Variants in ADAMTS18 observed in about 807,000 individuals in gnomAD.
ADAMTS18 encodes the protein ADAM metallopeptidase with thrombospondin type 1 motif 18, also known as A disintegrin and metalloproteinase with thrombospondin motifs 18.
In ADAMTS18, 157 loss-of-function variants were observed where a neutral mutation model predicts 165.9. That is an observed-to-expected ratio of 0.95 (90% CI 0.83 to 1.08). The LOEUF (loss-of-function observed/expected upper bound fraction) is 1.08, where lower values mean the gene tolerates loss of function less well. Ranked by LOEUF, ADAMTS18 falls within the 50% of genes least tolerant of loss-of-function variation. The pLI, the probability that ADAMTS18 is intolerant of heterozygous loss-of-function variation, is 0.00. For synonymous variants in ADAMTS18, 782 were observed against 578.2 expected, an observed-to-expected ratio of 1.35 and a Z score of -5.06; for missense variants, 2,040 against 1,534.0, an observed-to-expected ratio of 1.33 and a Z score of -5.51.
intron 21 of ADAMTS18, 40 bp from the exon 22 acceptor site, chr16:77,289,451 C>T (rs1033795687): frequency 8.1e-6 from 13 of 1,609,588 alleles, no homozygotes; most frequent in Admixed American, 1.7e-5. Flanking sequence ...AAACACTCTA[C>T]TGAGGTCAGT....
chr16:77,368,279 C>A (rs191762995), intron 3 of ADAMTS18, among the ~76,000 whole-genome samples: 14 of 152,248 alleles, frequency 9.2e-5, no homozygotes, highest in Admixed American at 5.2e-4. Context: ...CACTGGGCTG[C>A]CAGCCCTGAT....
chr16:77,347,288 G>A (rs974283250), intron 10 of ADAMTS18, among the ~76,000 whole-genome samples: 1 of 152,094 alleles, frequency 6.6e-6, no homozygotes, highest in Non-Finnish European at 1.5e-5. Flanking sequence ...TATGAACACA[G>A]TCCTTTATTT....
Position 77,283,746 on chromosome 16 carries a change from A to G in ADAMTS18, c.*210T>C, listed in dbSNP as rs1174014822. On this transcript the variant is annotated 3_prime_UTR_variant, in exon 23 of 23. Coordinates refer to ENST00000282849, the MANE Select transcript of ADAMTS18 (RefSeq NM_199355.4). Reference sequence around the variant, plus strand: ...AAAGTCAGATTTGTCATCGCTTCCCATTTTCAAGTGCTTCAGAGTACCACG... The same window carrying G: ...AAAGTCAGATTTGTCATCGCTTCCCGTTTTCAAGTGCTTCAGAGTACCACG... 7.1e-6 allele frequency: 4 copies of G among 564,500 alleles called. No homozygotes were observed. The highest frequency in any genetic ancestry group is 9.5e-6 in the Non-Finnish European group (3 of 315,430). The allele number at this position is 564,500 out of a possible 1,614,324, so 35.0% of individuals were successfully genotyped here.
intron 3 of ADAMTS18, among the ~76,000 whole-genome samples, chr16:77,395,687 C>G (rs2144799205): frequency 6.6e-6 from 1 of 152,164 alleles, no homozygotes. Flanking sequence ...GGGCAAAGAT[C>G]ACACCTTTTA....
At position 77,355,942 on chromosome 16, in the gene ADAMTS18, G is replaced by A; in HGVS notation, c.1458C>T (p.Leu486=). The change falls in exon 9 of 23, where the codon CTC becomes CTT. Residue 486 remains leucine, a splice_region_variant and synonymous_variant. Coordinates refer to ENST00000282849, the MANE Select transcript of ADAMTS18 (RefSeq NM_199355.4). The part of the protein sequence containing the change: ...SCSRQYLKKF[L]STPQAGCLVD... Reference sequence around the variant, plus strand: ...CCCCAGGATTTAACCTGTCATACCTGAGGAATTTCTTGAGATACTGGCGGC... The same window carrying A: ...CCCCAGGATTTAACCTGTCATACCTAAGGAATTTCTTGAGATACTGGCGGC... The A allele has an allele frequency of 6.2e-7, 1 of 1,614,016 alleles. No homozygotes were observed.
At chr16:77,397,347 G>C (rs1340664142) in intron 3 of ADAMTS18, among the ~76,000 whole-genome samples, 1 of 152,114 alleles carries the variant, frequency 6.6e-6, no homozygotes, top group Non-Finnish European at 1.5e-5. Context: ...AAGGATGTTA[G>C]ACTTCCCACA....
chr16:77,350,718 G>A (rs1454137516), intron 10 of ADAMTS18, among the ~76,000 whole-genome samples: 4 of 152,162 alleles, frequency 2.6e-5, no homozygotes, highest in African/African-American at 9.7e-5. Flanking sequence ...GGGTCATCTA[G>A]AGCTTTTGTT....
chr16:77,329,077 G>C (rs2056144008), intron 12 of ADAMTS18, among the ~76,000 whole-genome samples: 1 of 151,856 alleles, frequency 6.6e-6, no homozygotes, highest in Non-Finnish European at 1.5e-5. Context: ...TTAGGGAGCT[G>C]GCCTTTTACA....
chr16:77,300,120 A>G lies in ADAMTS18; in HGVS notation c.2674+143T>C, dbSNP rs372349001. 4 of 953,584 alleles carry G rather than the reference A, an allele frequency of 4.2e-6. No individual in the cohort carries two copies. In the African/African-American group the frequency reaches 6.6e-5, roughly 16 times the overall value. The allele number at this position is 953,584 out of a possible 1,614,324, so 59.1% of individuals were successfully genotyped here. A position where few individuals can be genotyped will look rare whatever the true frequency, so the allele number is the denominator to read the frequency against. On this transcript the variant is annotated intron_variant, in intron 17 of 22. Coordinates refer to ENST00000282849, the MANE Select transcript of ADAMTS18 (RefSeq NM_199355.4). The stretch of plus-strand genomic sequence containing the variant: ...AGGAAAACCCTTAACTAATGCCATA[A>G]TATTTGCTTTTATGGTGATGGTTCT...
chr16:77,381,435 G>A (rs1270267646), intron 3 of ADAMTS18, among the ~76,000 whole-genome samples: 1 of 152,152 alleles, frequency 6.6e-6, no homozygotes, highest in African/African-American at 2.4e-5. Flanking sequence ...TGCTTCAAAA[G>A]GACCAGAAAA....
At chr16:77,394,241 T>G (rs2217330) in intron 3 of ADAMTS18, among the ~76,000 whole-genome samples, 202 of 152,336 alleles carry the variant, frequency 1.3e-3, no homozygotes, top group African/African-American at 4.6e-3. Context: ...TGTTTGTTTA[T>G]GGACTATTCA....
intron 13 of ADAMTS18, among the ~76,000 whole-genome samples, chr16:77,324,655 T>C (rs1057487809): frequency 1.3e-5 from 2 of 152,126 alleles, no homozygotes; most frequent in Non-Finnish European, 2.9e-5. Flanking sequence ...GAAAACAATA[T>C]GAAGGAAGAA....
At chr16:77,415,297 A>G (rs569538413) in intron 3 of ADAMTS18, among the ~76,000 whole-genome samples, 2 of 152,196 alleles carry the variant, frequency 1.3e-5, no homozygotes, top group Non-Finnish European at 2.9e-5. Context: ...ATTCATTTCT[A>G]TCATAGTTTG....
At chr16:77,326,748 G>T (rs1305434126) in intron 12 of ADAMTS18, among the ~76,000 whole-genome samples, 1 of 152,178 alleles carries the variant, frequency 6.6e-6, no homozygotes, top group Non-Finnish European at 1.5e-5. Flanking sequence ...AGGTTCAGGG[G>T]TACATGTAAA....
chr16:77,382,992 C>T (rs1233875514), intron 3 of ADAMTS18, among the ~76,000 whole-genome samples: 1 of 152,190 alleles, frequency 6.6e-6, no homozygotes, highest in Admixed American at 6.5e-5. Context: ...TTGTGTTCCC[C>T]TCCTCCAATC....
chr16:77,296,219 A>C (rs2055468905), intron 18 of ADAMTS18, among the ~76,000 whole-genome samples: 1 of 152,160 alleles, frequency 6.6e-6, no homozygotes, highest in African/African-American at 2.4e-5. Flanking sequence ...ACTCCCTTTA[A>C]CTGGGAAGAT....
intron 4 of ADAMTS18, among the ~76,000 whole-genome samples, chr16:77,364,699 C>T (rs951685667): frequency 2.1e-5 from 3 of 143,210 alleles, no homozygotes; most frequent in East Asian, 2.1e-4. Context: ...AATGGATGAA[C>T]TTAGTAACTC....
chr16:77,423,721 C>T (rs1356543734), intron 3 of ADAMTS18, among the ~76,000 whole-genome samples: 3 of 152,092 alleles, frequency 2.0e-5, no homozygotes, highest in Admixed American at 1.3e-4. Flanking sequence ...TGATACTCCT[C>T]TTTGATTCTT....
At chr16:77,402,098 G>T (rs1377859090) in intron 3 of ADAMTS18, among the ~76,000 whole-genome samples, 1 of 152,160 alleles carries the variant, frequency 6.6e-6, no homozygotes, top group Non-Finnish European at 1.5e-5. Context: ...AAGTTCCCTA[G>T]CTACCTACCT....
Sources: gnomAD v4.1 joint callset for allele counts (sites outside exome capture counted in the v4.1 genomes callset) on GRCh38, gnomAD v4.1.1 for gene constraint, MANE v1.5 for transcripts, NCBI Gene and HGNC (gene_info 2026-07-23, HGNC 2026-07-21) for gene names.